NALF1: variants seen among roughly 807,000 people sequenced by gnomAD.
NALF1 encodes the protein family with sequence similarity 155 member A.
Under a neutral mutation model 48.4 loss-of-function variants are expected in NALF1, and 3 were observed. The ratio of observed to expected loss-of-function variants is 0.06; its 90% CI spans 0.03 to 0.16. The LOEUF (loss-of-function observed/expected upper bound fraction) is 0.16. Among genes scored for constraint, NALF1 ranks in the 10% least tolerant of loss-of-function variants. NALF1 has a pLI of 1.00. For synonymous variants in NALF1, 262 were observed against 245.7 expected (o/e 1.07, Z -0.62); for missense variants, 526 against 571.5 (o/e 0.92, Z 0.81).
intron 1 of NALF1, among the ~76,000 whole-genome samples, chr13:107,783,020 G>A (rs1311690803): frequency 2.0e-4 from 29 of 146,398 alleles, no homozygotes; most frequent in African/African-American, 6.9e-4. Flanking sequence ...GGAGGTGGGG[G>A]GTCAGCCCCC....
chr13:107,444,295 T>G (rs1379741399), intron 1 of NALF1, among the ~76,000 whole-genome samples: 1 of 152,220 alleles, frequency 6.6e-6, no homozygotes, highest in Non-Finnish European at 1.5e-5. Context: ...TAGAGCAGTC[T>G]TTGACTTGGT....
At chr13:107,829,645 G>A (rs1336252781) in intron 1 of NALF1, among the ~76,000 whole-genome samples, 1 of 151,922 alleles carries the variant, frequency 6.6e-6, no homozygotes, top group Admixed American at 6.6e-5. Context: ...GCAAATCTAA[G>A]TATTATTGTT....
At chr13:107,465,350 T>A (rs967931653) in intron 1 of NALF1, among the ~76,000 whole-genome samples, 2 of 151,816 alleles carry the variant, frequency 1.3e-5, no homozygotes, top group African/African-American at 4.8e-5. Flanking sequence ...TTTGTTTACT[T>A]TTTTGCCTAG....
chr13:107,385,417 G>T (rs1883510617), intron 1 of NALF1, among the ~76,000 whole-genome samples: 1 of 152,074 alleles, frequency 6.6e-6, no homozygotes, highest in Admixed American at 6.5e-5. Context: ...GCTGGGTATA[G>T]TGGCGCGTGC....
At chr13:107,634,971 G>A (rs1879935097) in intron 1 of NALF1, among the ~76,000 whole-genome samples, 1 of 152,120 alleles carries the variant, frequency 6.6e-6, no homozygotes, top group Non-Finnish European at 1.5e-5. Flanking sequence ...CAAACAAGCT[G>A]AAGGGTGACA....
rs1359309516 is a variant in NALF1, at chr13:107,754,396, CA to C, written c.915+111285del. The stretch of plus-strand genomic sequence containing the variant: ...ACACACACACACACACACACACACA[CA>C]CCATATATGGAACCGCTGAACAATC... On this transcript the variant is annotated intron_variant, in intron 1 of 2. Coordinates refer to ENST00000375915, the MANE Select transcript of NALF1 (RefSeq NM_001080396.3). Among the ~76,000 whole-genome samples, 206 of 130,874 alleles carry C rather than the reference CA, an allele frequency of 1.6e-3. 3 individuals carry two copies. In the East Asian group the frequency reaches 0.071, roughly 45 times the overall value. The allele number at this position is 130,874 out of a possible 152,430, so 85.9% of individuals were successfully genotyped here.
intron 1 of NALF1, among the ~76,000 whole-genome samples, chr13:107,341,668 T>G (rs1474735171): frequency 2.6e-5 from 4 of 151,320 alleles, no homozygotes; most frequent in Non-Finnish European, 5.9e-5. Flanking sequence ...GTTTGTTGTA[T>G]ATATGGGATA....
At chr13:107,777,059 T>A (rs1391763181) in intron 1 of NALF1, among the ~76,000 whole-genome samples, 2 of 152,072 alleles carry the variant, frequency 1.3e-5, no homozygotes. Flanking sequence ...GCCACTGCAC[T>A]CCAGCCTGGG....
intron 1 of NALF1, among the ~76,000 whole-genome samples, chr13:107,792,040 T>G (rs1322090500): frequency 6.6e-6 from 1 of 152,194 alleles, no homozygotes; most frequent in Non-Finnish European, 1.5e-5. Flanking sequence ...AATTAATTTT[T>G]TATCAATATG....
At chr13:107,325,977 A>T (rs1305042956) in intron 1 of NALF1, among the ~76,000 whole-genome samples, 2 of 147,812 alleles carry the variant, frequency 1.4e-5, no homozygotes, top group Non-Finnish European at 1.5e-5. Flanking sequence ...TATACAACAC[A>T]CATATACATA....
intron 1 of NALF1, among the ~76,000 whole-genome samples, chr13:107,751,999 CAT>C (rs1876954021): frequency 6.6e-6 from 1 of 151,774 alleles, no homozygotes; most frequent in Non-Finnish European, 1.5e-5. Flanking sequence ...AAATTTCAAA[CAT>C]ATTAATATTT....
intron 1 of NALF1, among the ~76,000 whole-genome samples, chr13:107,744,249 A>T (rs1876720171): frequency 1.3e-5 from 2 of 152,202 alleles, no homozygotes; most frequent in African/African-American, 2.4e-5. Context: ...CATTTGCAAG[A>T]AAGGGAAGAA....
At chr13:107,305,608 T>G (rs563517168) in intron 1 of NALF1, among the ~76,000 whole-genome samples, 24 of 152,300 alleles carry the variant, frequency 1.6e-4, no homozygotes, top group African/African-American at 5.5e-4. Flanking sequence ...CTGAGTCCCA[T>G]ACAATGTCAT....
At chr13:107,461,282 A>G (rs1367584001) in intron 1 of NALF1, among the ~76,000 whole-genome samples, 2 of 152,182 alleles carry the variant, frequency 1.3e-5, no homozygotes, top group Non-Finnish European at 2.9e-5. Flanking sequence ...AAAGAATTAA[A>G]TATAATTTAG....
At chr13:107,275,156 C>T (rs1017442740) in intron 1 of NALF1, among the ~76,000 whole-genome samples, 1 of 152,098 alleles carries the variant, frequency 6.6e-6, no homozygotes, top group African/African-American at 2.4e-5. Flanking sequence ...TAGCCAGTGT[C>T]GACCTTCTTT....
At chr13:107,792,439 C>G (rs527970850) in intron 1 of NALF1, among the ~76,000 whole-genome samples, 2 of 152,226 alleles carry the variant, frequency 1.3e-5, no homozygotes, top group East Asian at 3.9e-4. Context: ...ACAAACAGAT[C>G]TTTATAAAAC....
At chr13:107,833,859 T>C (rs1195800102) in intron 1 of NALF1, among the ~76,000 whole-genome samples, 2 of 151,440 alleles carry the variant, frequency 1.3e-5, no homozygotes, top group Non-Finnish European at 2.9e-5. Flanking sequence ...CTTAATTATA[T>C]TAAAGTACCT....
intron 1 of NALF1, among the ~76,000 whole-genome samples, chr13:107,574,906 T>C (rs1289188742): frequency 6.6e-6 from 1 of 152,304 alleles, no homozygotes; most frequent in Middle Eastern, 3.4e-3. Flanking sequence ...TGAGAAGTTT[T>C]TGACAACTTA....
rs1555329721 is a variant in NALF1 at position 107,851,805 on chromosome 13, C to CATTTTTTTTTTTTT, written c.915+13876_915+13877insAAAAAAAAAAAAAT. On this transcript the variant is annotated intron_variant, in intron 1 of 2. Transcript: ENST00000375915. ...GGATTAAGGGCTTTACAGGCCCTTTCTTTTTTTTTTTTTTTTTTTTTGAGA... is the reference window on the plus strand; with the variant it reads ...GGATTAAGGGCTTTACAGGCCCTTTCATTTTTTTTTTTTTTTTTTTTTTTTTTTTTTTTTTGAGA... Among the ~76,000 whole-genome samples, 672 of 104,622 alleles carry CATTTTTTTTTTTTT rather than the reference C, an allele frequency of 6.4e-3. 40 individuals are homozygous for CATTTTTTTTTTTTT. The highest frequency in any genetic ancestry group is 0.019 in the East Asian group (65 of 3,472). The allele number at this position is 104,622 out of a possible 152,430, so 68.6% of individuals were successfully genotyped here.
Sources: allele counts gnomAD v4.1 joint callset (sites outside exome capture counted in the v4.1 genomes callset), GRCh38; gene constraint gnomAD v4.1.1; transcripts MANE v1.5; gene names NCBI Gene and HGNC (gene_info 2026-07-23, HGNC 2026-07-21).